PCDH7: variants seen among roughly 807,000 people sequenced by gnomAD.
PCDH7 encodes protocadherin-7.
Under a neutral mutation model 58.9 loss-of-function variants are expected in PCDH7, and 17 were observed. The observed-to-expected ratio is 0.29, with a 90% CI of 0.20 to 0.43. The LOEUF is 0.43. Ranked by LOEUF, PCDH7 falls within the 20% of genes least tolerant of loss-of-function variation. The pLI is 1.00. For synonymous variants in PCDH7, 664 were observed against 616.4 expected, an observed-to-expected ratio of 1.08 and a Z score of -1.14; for missense variants, 1,274 against 1,441.0, an observed-to-expected ratio of 0.88 and a Z score of 1.88.
At chr4:30,932,220 A>G (rs1027819439) in intron 2 of PCDH7, among the ~76,000 whole-genome samples, 2 of 152,204 alleles carry the variant, frequency 1.3e-5, no homozygotes, top group African/African-American at 4.8e-5. Flanking sequence ...ATTGTATAGT[A>G]AAAGGACTAA....
In PCDH7 at chr4:31,109,140, A is replaced by G. The variant is rs187743271; in HGVS notation, c.*8-33333A>G. Among the ~76,000 whole-genome samples the G allele has an allele frequency of 7.9e-5, 12 of 152,200 alleles. No individual in the cohort carries two copies. In the East Asian group the frequency reaches 2.3e-3, roughly 29 times the overall value. ...CTGGGAGTGTAACAATGTTGCTTCC[A>G]CCCCATTCCATTAATCAAAGCAAGT... is the stretch of plus-strand genomic sequence containing the variant. On this transcript the variant is annotated intron_variant, in intron 3 of 3. Coordinates refer to the PCDH7 transcript ENST00000509759.
chr4:30,830,808 A>G (rs982341927), intron 1 of PCDH7, among the ~76,000 whole-genome samples: 1 of 152,078 alleles, frequency 6.6e-6, no homozygotes, highest in African/African-American at 2.4e-5. Context: ...CATTATTCCA[A>G]AAGTTTTATG....
At chr4:30,879,686 A>G (rs1460205068) in intron 1 of PCDH7, among the ~76,000 whole-genome samples, 2 of 152,158 alleles carry the variant, frequency 1.3e-5, no homozygotes, top group South Asian at 2.1e-4. Flanking sequence ...TGAGCAGATT[A>G]TATCATGCTT....
At position 30,722,489 on chromosome 4, in the gene PCDH7, G is replaced by A; in HGVS notation, c.1067G>A (p.Arg356Gln). 2 of 1,609,424 alleles carry A rather than the reference G, an allele frequency of 1.2e-6. No individual in the cohort carries two copies. The highest frequency in any genetic ancestry group is 1.7e-4 in the Middle Eastern group (1 of 6,036). ...GGGGCGGCCACCGAGTCGGTGAGGCGGCTGCTGCGCCTTGACGAGACGTCC... is the reference window on the plus strand; with the variant it reads ...GGGGCGGCCACCGAGTCGGTGAGGCAGCTGCTGCGCCTTGACGAGACGTCC... Residue 356 changes from arginine to glutamine, a missense_variant, in exon 1 of 2, where the codon CGG (arginine) becomes CAG (glutamine). Arg to Gln is a conservative substitution (Grantham distance 43). Coordinates refer to ENST00000361762, the Ensembl canonical transcript of PCDH7. This position sits in a 1 kb window ranked among gnomAD's most constrained non-coding sequence, Gnocchi z 7.6.
chr4:30,863,679 C>T (rs1429741542), intron 1 of PCDH7, among the ~76,000 whole-genome samples: 1 of 152,064 alleles, frequency 6.6e-6, no homozygotes, highest in East Asian at 1.9e-4. Context: ...ACTTCTTATA[C>T]TTCTCCATAT....
At chr4:31,006,329 T>C (rs1052818185) in intron 3 of PCDH7, among the ~76,000 whole-genome samples, 4 of 152,142 alleles carry the variant, frequency 2.6e-5, no homozygotes, top group African/African-American at 9.7e-5. Context: ...TGCACAAAAT[T>C]GAAAATGATT....
chr4:31,003,833 GA>G (rs371003242), intron 3 of PCDH7, among the ~76,000 whole-genome samples: 9 of 149,826 alleles, frequency 6.0e-5, no homozygotes, highest in East Asian at 1.9e-4. Flanking sequence ...GCATGAACCC[GA>G]AAAAAAAAGG....
chr4:30,894,464 A>G (rs866120146), intron 1 of PCDH7, among the ~76,000 whole-genome samples: 235 of 12,556 alleles, frequency 0.019, 1 homozygote, highest in African/African-American at 0.092. Context: ...TTCATTCAGG[A>G]AAAAAAAAAA....
intron 1 of PCDH7, among the ~76,000 whole-genome samples, chr4:30,800,049 G>A (rs926362571): frequency 5.3e-5 from 8 of 150,284 alleles, no homozygotes; most frequent in African/African-American, 1.5e-4. Context: ...TAGTAGAGAC[G>A]GGATTTCATT....
At position 31,023,754 on chromosome 4, in the gene PCDH7, T is replaced by C. The variant is rs78470182; in HGVS notation, c.*7+73539T>C. 3.3e-3 allele frequency among the ~76,000 whole-genome samples: 495 copies of C among 152,296 alleles called. 6 individuals carry two copies. The highest frequency in any genetic ancestry group is 0.011 in the African/African-American group (461 of 41,558). On this transcript the variant is annotated intron_variant, in intron 3 of 3. Coordinates refer to the PCDH7 transcript ENST00000509759. ...AGAATTACAGAAGAATGATTGTACA[T>C]AAAAGCTAGGCTACAGGATTTCTCT...
chr4:31,094,851 A>T (rs1295324702), intron 3 of PCDH7, among the ~76,000 whole-genome samples: 1 of 150,682 alleles, frequency 6.6e-6, no homozygotes, highest in Non-Finnish European at 1.5e-5. Flanking sequence ...CAACAACATG[A>T]TGCCTTAGGG....
chr4:30,760,918 G>A (rs915787602), intron 1 of PCDH7, among the ~76,000 whole-genome samples: 2 of 152,102 alleles, frequency 1.3e-5, no homozygotes, highest in South Asian at 4.1e-4. Flanking sequence ...TCTCTTTGGA[G>A]TTCTGTTTAC....
At chr4:30,847,926 G>A (rs1344398824) in intron 1 of PCDH7, among the ~76,000 whole-genome samples, 3 of 151,954 alleles carry the variant, frequency 2.0e-5, no homozygotes, top group African/African-American at 7.3e-5. Flanking sequence ...CACGAATAAA[G>A]GTAGACTATT....
intron 3 of PCDH7, among the ~76,000 whole-genome samples, chr4:31,124,706 T>TG (rs1718091780): frequency 6.6e-6 from 1 of 152,190 alleles, no homozygotes; most frequent in Non-Finnish European, 1.5e-5. Flanking sequence ...GTAAGTCAAG[T>TG]TGGTGAAGCA....
intron 2 of PCDH7, among the ~76,000 whole-genome samples, chr4:30,946,991 C>T (rs567955902): frequency 1.8e-4 from 27 of 152,188 alleles, no homozygotes; most frequent in African/African-American, 4.3e-4. Context: ...GGATTACAGG[C>T]GTGAGCCACT....
At chr4:30,935,782 C>T (rs936694538) in intron 2 of PCDH7, among the ~76,000 whole-genome samples, 1 of 152,036 alleles carries the variant, frequency 6.6e-6, no homozygotes, top group Non-Finnish European at 1.5e-5. Context: ...ATTCCTAGCC[C>T]TTATTCACGT....
At chr4:31,123,630 C>T (rs77369743) in intron 3 of PCDH7, among the ~76,000 whole-genome samples, 1 of 152,134 alleles carries the variant, frequency 6.6e-6, no homozygotes, top group East Asian at 1.9e-4. Context: ...CTTTGCTGTT[C>T]ACGGATGGCT....
downstream of PCDH7, among the ~76,000 whole-genome samples, chr4:30,735,051 T>A (rs575181152): frequency 9.9e-5 from 15 of 152,128 alleles, no homozygotes; most frequent in South Asian, 3.1e-3. Context: ...ACGGAAGCCT[T>A]AGACAAGCTA....
intron 2 of PCDH7, among the ~76,000 whole-genome samples, chr4:30,943,241 T>C (rs1019614060): frequency 1.3e-5 from 2 of 152,054 alleles, no homozygotes; most frequent in African/African-American, 4.8e-5. Flanking sequence ...ACCACCTCAC[T>C]GCACCCTAAG....
Sources: allele counts gnomAD v4.1 joint callset (sites outside exome capture counted in the v4.1 genomes callset), GRCh38; gene constraint gnomAD v4.1.1; non-coding constraint Gnocchi (gnomAD v3.1); transcripts MANE v1.5; gene names NCBI Gene and HGNC (gene_info 2026-07-23, HGNC 2026-07-21).